Variants in MDFIC2 observed in about 807,000 individuals in gnomAD.
MDFIC2 encodes the protein MyoD family inhibitor domain containing 2, also known as myoD family inhibitor domain-containing protein 2.
intron 2 of MDFIC2, among the ~76,000 whole-genome samples, chr3:70,277,099 G>A (rs941633080): frequency 3.3e-5 from 5 of 152,080 alleles, no homozygotes; most frequent in African/African-American, 1.2e-4. Flanking sequence ...TGAGGCGTGA[G>A]AAACATTGGC....
At chr3:70,224,698 A>G (rs1316107722) in intron 2 of MDFIC2, among the ~76,000 whole-genome samples, 1 of 151,936 alleles carries the variant, frequency 6.6e-6, no homozygotes, top group African/African-American at 2.4e-5. Flanking sequence ...GTTAAATATC[A>G]GGAGAAAATT....
chr3:70,309,934 C>T (rs921662655), intron 2 of MDFIC2, among the ~76,000 whole-genome samples: 10 of 152,034 alleles, frequency 6.6e-5, no homozygotes, highest in African/African-American at 1.9e-4. Context: ...CTTTAGGAAA[C>T]AATTGATTGG....
intron 2 of MDFIC2, among the ~76,000 whole-genome samples, chr3:70,286,919 CTT>C (rs1296933181): frequency 2.6e-5 from 4 of 151,594 alleles, no homozygotes; most frequent in African/African-American, 4.9e-5. Flanking sequence ...TATCCTGAGA[CTT>C]TGCTGAAGTT....
Position 70,245,712 on chromosome 3 carries a change from T to C in MDFIC2, c.89-38922A>G, listed in dbSNP as rs1436855833. Among the ~76,000 whole-genome samples, 5 of 128,382 alleles carry C rather than the reference T, an allele frequency of 3.9e-5. No individual in the cohort carries two copies. In the East Asian group the frequency reaches 1.2e-3, roughly 30 times the overall value. The allele number at this position is 128,382 out of a possible 152,430, so 84.2% of individuals were successfully genotyped here. A position where few individuals can be genotyped will look rare whatever the true frequency, so the allele number is the denominator to read the frequency against. On this transcript the variant is annotated intron_variant, in intron 2 of 3. Coordinates refer to ENST00000567252, the MANE Select transcript of MDFIC2 (RefSeq NM_001364677.1). Reference sequence around the variant, plus strand: ...ATATATATATATATATATATATATATATACACATTCAAATGCAAAATAAAG... The same window carrying C: ...ATATATATATATATATATATATATACATACACATTCAAATGCAAAATAAAG...
intron 2 of MDFIC2, among the ~76,000 whole-genome samples, chr3:70,304,181 C>A (rs1312105581): frequency 6.6e-6 from 1 of 152,090 alleles, no homozygotes; most frequent in Non-Finnish European, 1.5e-5. Flanking sequence ...TGAAGATGTC[C>A]CAGTCACTCC....
chr3:70,302,262 A>AT (rs917580264), intron 2 of MDFIC2, among the ~76,000 whole-genome samples: 10 of 150,582 alleles, frequency 6.6e-5, no homozygotes, highest in East Asian at 3.9e-4. Context: ...TTTATCTTTT[A>AT]TTTTTTTTTA....
intron 2 of MDFIC2, among the ~76,000 whole-genome samples, chr3:70,273,268 A>T (rs1701991223): frequency 6.6e-6 from 1 of 152,230 alleles, no homozygotes; most frequent in Admixed American, 6.5e-5. Flanking sequence ...GAGTTCATTA[A>T]ATCTTAGTCG....
chr3:70,257,092 ATTTATATACTG>A (rs1701823949), intron 2 of MDFIC2, among the ~76,000 whole-genome samples: 1 of 152,188 alleles, frequency 6.6e-6, no homozygotes, highest in Non-Finnish European at 1.5e-5. Flanking sequence ...GAGAGAGGAT[ATTTATATACTG>A]TTTAAAGCCA....
chr3:70,269,295 G>C (rs1701952649), intron 2 of MDFIC2, among the ~76,000 whole-genome samples: 1 of 152,134 alleles, frequency 6.6e-6, no homozygotes, highest in Non-Finnish European at 1.5e-5. Flanking sequence ...TTAGCCTAAA[G>C]CTGGCTCATT....
chr3:70,263,355 T>A (rs1049789727), intron 2 of MDFIC2, among the ~76,000 whole-genome samples: 1 of 152,206 alleles, frequency 6.6e-6, no homozygotes, highest in Non-Finnish European at 1.5e-5. Context: ...TAGTTCTTTT[T>A]AATTTTATTT....
intron 2 of MDFIC2, among the ~76,000 whole-genome samples, chr3:70,221,163 C>T (rs991702765): frequency 2.6e-5 from 4 of 151,974 alleles, no homozygotes; most frequent in Non-Finnish European, 5.9e-5. Context: ...TGGAATAAAC[C>T]GTAGATGTCA....
At chr3:70,249,356 G>A (rs780885364) in intron 2 of MDFIC2, among the ~76,000 whole-genome samples, 5 of 152,130 alleles carry the variant, frequency 3.3e-5, no homozygotes, top group Non-Finnish European at 5.9e-5. Context: ...GTGTCTAAGG[G>A]GGGGATCTAT....
chr3:70,290,531 C>A (rs576722517), intron 2 of MDFIC2, among the ~76,000 whole-genome samples: 7 of 152,324 alleles, frequency 4.6e-5, no homozygotes, highest in Admixed American at 4.6e-4. Context: ...GTGCCCTGCC[C>A]CCAGAGGTGG....
chr3:70,252,553 A>C (rs1175910514), intron 2 of MDFIC2, among the ~76,000 whole-genome samples: 1 of 152,206 alleles, frequency 6.6e-6, no homozygotes, highest in Non-Finnish European at 1.5e-5. Context: ...CTAGGCAAAC[A>C]ATATAAATCA....
At chr3:70,291,537 C>G (rs1284986902) in intron 2 of MDFIC2, among the ~76,000 whole-genome samples, 2 of 152,162 alleles carry the variant, frequency 1.3e-5, no homozygotes, top group Non-Finnish European at 2.9e-5. Context: ...GGTCTTATCT[C>G]TCATCACATT....
intron 3 of MDFIC2, among the ~76,000 whole-genome samples, chr3:70,200,355 G>A (rs1701225755): frequency 6.6e-6 from 1 of 152,150 alleles, no homozygotes; most frequent in South Asian, 2.1e-4. Flanking sequence ...TGCATGATTG[G>A]ATTCCTGCCT....
chr3:70,306,994 G>T (rs28584837), intron 2 of MDFIC2, among the ~76,000 whole-genome samples: 6,974 of 152,068 alleles, frequency 0.046, 237 homozygotes, highest in African/African-American at 0.083. Flanking sequence ...TATATATATA[G>T]AGAGAGAGAC....
chr3:70,256,004 T>C (rs752618609), intron 2 of MDFIC2, among the ~76,000 whole-genome samples: 25 of 152,224 alleles, frequency 1.6e-4, no homozygotes, highest in Non-Finnish European at 2.6e-4. Context: ...TCCACTGGCA[T>C]TGAACCAGTT....
intron 2 of MDFIC2, among the ~76,000 whole-genome samples, chr3:70,273,268 A>G (rs1701991223): frequency 6.6e-6 from 1 of 152,230 alleles, no homozygotes; most frequent in Admixed American, 6.5e-5. Context: ...GAGTTCATTA[A>G]ATCTTAGTCG....
Sources: gnomAD v4.1 joint callset for allele counts (sites outside exome capture counted in the v4.1 genomes callset) on GRCh38, gnomAD v4.1.1 for gene constraint, MANE v1.5 for transcripts, NCBI Gene and HGNC (gene_info 2026-07-23, HGNC 2026-07-21) for gene names.